TRABD2B: variants seen among roughly 807,000 people sequenced by gnomAD.
TRABD2B encodes the protein TraB domain containing 2B, also known as metalloprotease TIKI2.
In TRABD2B, 14 loss-of-function variants were observed where a neutral mutation model predicts 40.1. That is an observed-to-expected ratio of 0.35 (90% CI 0.23 to 0.55). The LOEUF (loss-of-function observed/expected upper bound fraction) is 0.55. Among genes scored for constraint, TRABD2B ranks in the 20% least tolerant of loss-of-function variants. The pLI is 0.90. For synonymous variants in TRABD2B, 263 were observed against 277.0 expected (o/e 0.95, Z 0.50); for missense variants, 541 against 648.6 (o/e 0.83, Z 1.80).
chr1:47,772,249 A>T (rs1156518093), intron 6 of TRABD2B, among the ~76,000 whole-genome samples: 1 of 151,940 alleles, frequency 6.6e-6, no homozygotes, highest in Non-Finnish European at 1.5e-5. Context: ...TTGACAGAAA[A>T]AGGGACAGAA....
rs1557610238 is a variant in TRABD2B at position 47,846,896 on chromosome 1, A to AC, written c.667-45278_667-45277insG. 2.3e-3 allele frequency among the ~76,000 whole-genome samples: 337 copies of AC among 148,466 alleles called. 2 individuals are homozygous for AC. The highest frequency in any genetic ancestry group is 8.2e-3 in the African/African-American group (329 of 39,952). The stretch of plus-strand genomic sequence containing the variant: ...CACACACACACACACACACACACAC[A>AC]AATGAGGGCTGGGTGCCCTCTGACC... On this transcript the variant is annotated intron_variant, in intron 2 of 6. Coordinates refer to ENST00000606738, the MANE Select transcript of TRABD2B (RefSeq NM_001194986.2).
chr1:47,846,104 CAA>C (rs1436191594), intron 2 of TRABD2B, among the ~76,000 whole-genome samples: 2 of 152,308 alleles, frequency 1.3e-5, no homozygotes, highest in African/African-American at 4.8e-5. Context: ...AGCTGCTATG[CAA>C]AGACTGCTAG....
At chr1:47,895,271 G>A (rs1403778254) in intron 2 of TRABD2B, among the ~76,000 whole-genome samples, 4 of 152,080 alleles carry the variant, frequency 2.6e-5, no homozygotes, top group Non-Finnish European at 5.9e-5. Flanking sequence ...CAGCCAGGAA[G>A]CCCAGCCCAA....
At position 47,765,587 on chromosome 1, in the gene TRABD2B, G is replaced by A. The variant is rs1644291778; in HGVS notation, c.*315C>T. The A allele has an allele frequency of 2.4e-5, 9 of 369,758 alleles. No individual in the cohort carries two copies. The highest frequency in any genetic ancestry group is 5.1e-5 in the South Asian group (2 of 38,910). The allele number at this position is 369,758 out of a possible 1,614,324, so 22.9% of individuals were successfully genotyped here. On this transcript the variant is annotated 3_prime_UTR_variant, in exon 7 of 7. Transcript: ENST00000606738. ...CACTGATGTCCCGGGTTCCCCTCCC[G>A]GGCCAGCACTAGGGCTAGGGGGTTA...
intron 2 of TRABD2B, among the ~76,000 whole-genome samples, chr1:47,981,436 C>T (rs1011129848): frequency 2.0e-5 from 3 of 152,180 alleles, no homozygotes; most frequent in Admixed American, 6.5e-5. Context: ...AGTGAATTAC[C>T]GCTCTGTGAC....
chr1:47,842,478 T>A (rs567134365), intron 2 of TRABD2B, among the ~76,000 whole-genome samples: 51 of 152,318 alleles, frequency 3.3e-4, no homozygotes, highest in African/African-American at 1.2e-3. Context: ...CCTACAGACA[T>A]CTGCCTTTCC....
chr1:47,943,867 CT>C (rs1277325502), intron 2 of TRABD2B, among the ~76,000 whole-genome samples: 2 of 152,074 alleles, frequency 1.3e-5, no homozygotes, highest in Non-Finnish European at 2.9e-5. Context: ...TTTACTGGAA[CT>C]CAACCATGAG....
chr1:47,805,044 T>G (rs1569991217), intron 2 of TRABD2B, among the ~76,000 whole-genome samples: 1 of 152,168 alleles, frequency 6.6e-6, no homozygotes, highest in Admixed American at 6.5e-5. Flanking sequence ...TCTCATCCTG[T>G]GGCCTCCTCA....
rs553866386 is a variant in TRABD2B, at chr1:47,932,277, G to C, written c.666+61757C>G. Among the ~76,000 whole-genome samples the C allele has an allele frequency of 2.6e-5, 4 of 152,252 alleles. No homozygotes were observed. In the South Asian group the frequency reaches 6.2e-4, roughly 24 times the overall value. ...GGATTCAAGGCCATGGAGCTGGGTG[G>C]GATTCCCTGGAGTATAGCTACAGAA... On this transcript the variant is annotated intron_variant, in intron 2 of 6. Transcript: ENST00000606738.
intron 2 of TRABD2B, among the ~76,000 whole-genome samples, chr1:47,993,427 G>A (rs920498488): frequency 6.6e-6 from 1 of 152,186 alleles, no homozygotes; most frequent in African/African-American, 2.4e-5. Flanking sequence ...ACGCTTCTCT[G>A]AAATTATTAA....
chr1:47,961,629 C>T (rs1050970186), intron 2 of TRABD2B, among the ~76,000 whole-genome samples: 2 of 152,118 alleles, frequency 1.3e-5, no homozygotes, highest in African/African-American at 4.8e-5. Flanking sequence ...TCATCACTGG[C>T]CATCAGAGAA....
chr1:47,947,803 TCCCG>T (rs1281806849), intron 2 of TRABD2B, among the ~76,000 whole-genome samples: 1 of 152,054 alleles, frequency 6.6e-6, no homozygotes, highest in Non-Finnish European at 1.5e-5. Flanking sequence ...ACACATTATC[TCCCG>T]CAGCTCACAG....
intron 2 of TRABD2B, among the ~76,000 whole-genome samples, chr1:47,974,953 T>C (rs1034816837): frequency 1.3e-5 from 2 of 152,162 alleles, no homozygotes; most frequent in Non-Finnish European, 2.9e-5. Context: ...AAGAAAAACA[T>C]CAGACAAATC....
intron 2 of TRABD2B, among the ~76,000 whole-genome samples, chr1:47,937,006 CCAT>C (rs200019771): frequency 1.3e-5 from 2 of 149,402 alleles, no homozygotes; most frequent in Non-Finnish European, 3.0e-5. Flanking sequence ...ACCACCATCA[CCAT>C]CATCACCACT....
intron 2 of TRABD2B, among the ~76,000 whole-genome samples, chr1:47,918,350 G>A (rs576981054): frequency 6.6e-4 from 100 of 152,354 alleles, no homozygotes; most frequent in Non-Finnish European, 1.2e-3. Context: ...TTGGAGAACA[G>A]ACTGTCTGTC....
chr1:47,965,996 T>G (rs1295864023), intron 2 of TRABD2B, among the ~76,000 whole-genome samples: 3 of 152,186 alleles, frequency 2.0e-5, no homozygotes. Flanking sequence ...AAGCCCCAGC[T>G]GCACTCCACA....
intron 6 of TRABD2B, among the ~76,000 whole-genome samples, chr1:47,767,058 A>T (rs955095025): frequency 7.2e-5 from 11 of 152,290 alleles, no homozygotes; most frequent in Middle Eastern, 3.4e-3. Context: ...TAGGAAATGG[A>T]CAGGCAGAGA....
chr1:47,996,895 A>C lies in TRABD2B; in HGVS notation c.-106T>G. On this transcript the variant is annotated 5_prime_UTR_variant, in exon 1 of 7. Transcript: ENST00000606738. This position sits in a 1 kb window ranked among gnomAD's most constrained non-coding sequence, Gnocchi z 4.6. ...AGTTTCCTCTGGAGCACGGGGCTCC[A>C]GCCGCAGGATGCTGGGCGCCCTCTG... is the stretch of plus-strand genomic sequence containing the variant. 1 of 1,128,858 alleles carries C rather than the reference A, an allele frequency of 8.9e-7. No individual in the cohort carries two copies. Among genetic ancestry groups the C allele is most frequent in the Non-Finnish European group, 1.1e-6 (1 of 922,860 alleles). 69.9% of individuals were successfully genotyped at this position (1,128,858 alleles called of 1,614,324 possible). A position where few individuals can be genotyped will look rare whatever the true frequency, so the allele number is the denominator to read the frequency against.
chr1:47,911,441 G>T (rs954611703), intron 2 of TRABD2B, among the ~76,000 whole-genome samples: 1 of 152,218 alleles, frequency 6.6e-6, no homozygotes, highest in Admixed American at 6.5e-5. Flanking sequence ...GAAAGACACA[G>T]ACAGGAGGCA....
Sources: allele counts gnomAD v4.1 joint callset (sites outside exome capture counted in the v4.1 genomes callset), GRCh38; gene constraint gnomAD v4.1.1; non-coding constraint Gnocchi (gnomAD v3.1); transcripts MANE v1.5; gene names NCBI Gene and HGNC (gene_info 2026-07-23, HGNC 2026-07-21).